CDK19: variants seen among roughly 807,000 people sequenced by gnomAD.
CDK19 encodes cyclin-dependent kinase 19.
A neutral mutation model predicts 68.3 loss-of-function variants in CDK19; 20 were observed. The observed-to-expected ratio is 0.29, with a 90% CI of 0.21 to 0.43. The LOEUF is 0.43. Among genes scored for constraint, CDK19 ranks in the 20% least tolerant of loss-of-function variants. CDK19 has a pLI of 1.00. For synonymous variants in CDK19, 221 were observed against 222.8 expected, an observed-to-expected ratio of 0.99 and a Z score of 0.07; for missense variants, 339 against 623.5, an observed-to-expected ratio of 0.54 and a Z score of 4.86.
At chr6:110,769,823 G>A (rs1311440005) in intron 1 of CDK19, among the ~76,000 whole-genome samples, 1 of 152,054 alleles carries the variant, frequency 6.6e-6, no homozygotes, top group African/African-American at 2.4e-5. Flanking sequence ...TTCTCAACTG[G>A]TAGCAAAATA....
chr6:110,638,440 G>GT (rs1779924601), intron 5 of CDK19, among the ~76,000 whole-genome samples: 1 of 152,152 alleles, frequency 6.6e-6, no homozygotes, highest in Non-Finnish European at 1.5e-5. Context: ...AATTTCCAGT[G>GT]ATGCCTCAAC....
chr6:110,727,710 C>T (rs1053071040), intron 2 of CDK19, among the ~76,000 whole-genome samples: 3 of 151,976 alleles, frequency 2.0e-5, no homozygotes, highest in East Asian at 1.9e-4. Context: ...CAGGAGCTGA[C>T]ACCTGTAATC....
chr6:110,771,535 A>G (rs959246726), intron 1 of CDK19, among the ~76,000 whole-genome samples: 1 of 152,184 alleles, frequency 6.6e-6, no homozygotes, highest in African/African-American at 2.4e-5. Context: ...CTGTGATGGG[A>G]GAGGCTGCCT....
At chr6:110,682,007 A>G (rs991313595) in intron 2 of CDK19, among the ~76,000 whole-genome samples, 3 of 152,236 alleles carry the variant, frequency 2.0e-5, no homozygotes, top group African/African-American at 7.2e-5. Context: ...AGTCTGTACT[A>G]GACTAAAAAT....
chr6:110,634,082 T>C (rs577707028), intron 5 of CDK19, among the ~76,000 whole-genome samples: 10 of 152,322 alleles, frequency 6.6e-5, no homozygotes, highest in Admixed American at 2.6e-4. Context: ...TAAATGCACA[T>C]AAAACTTTCA....
chr6:110,779,272 A>G (rs990705763), intron 1 of CDK19, among the ~76,000 whole-genome samples: 11 of 152,140 alleles, frequency 7.2e-5, no homozygotes, highest in African/African-American at 2.7e-4. Flanking sequence ...TTTGCTGGGA[A>G]TAAATGCCTT....
chr6:110,623,784 A>G, intron 8 of CDK19, among the ~76,000 whole-genome samples: 1 of 147,536 alleles, frequency 6.8e-6, no homozygotes, highest in South Asian at 2.1e-4. Flanking sequence ...ATACATATAT[A>G]CACATATATA....
intron 1 of CDK19, among the ~76,000 whole-genome samples, chr6:110,814,294 C>T (rs3749866): frequency 0.11 from 17,318 of 152,298 alleles, 1,440 homozygotes; most frequent in Admixed American, 0.26. Context: ...GCAGAGAATT[C>T]AGCCAACTCT....
intron 1 of CDK19, among the ~76,000 whole-genome samples, chr6:110,758,556 A>C (rs1778983981): frequency 6.6e-6 from 1 of 152,254 alleles, no homozygotes; most frequent in Non-Finnish European, 1.5e-5. Flanking sequence ...AGTAGGAACT[A>C]AACATGTTAC....
At chr6:110,654,773 T>G (rs1258328449) in intron 4 of CDK19, among the ~76,000 whole-genome samples, 8 of 152,060 alleles carry the variant, frequency 5.3e-5, no homozygotes, top group Non-Finnish European at 7.4e-5. Flanking sequence ...AAAACCCACC[T>G]CTACTAAAAA....
At chr6:110,632,371 TTA>T (rs1197940830) in intron 5 of CDK19, among the ~76,000 whole-genome samples, 1 of 152,204 alleles carries the variant, frequency 6.6e-6, no homozygotes, top group East Asian at 1.9e-4. Context: ...TCATTTACCT[TTA>T]TTATCTACCA....
chr6:110,705,631 G>A (rs932653813), intron 2 of CDK19, among the ~76,000 whole-genome samples: 3 of 152,326 alleles, frequency 2.0e-5, no homozygotes, highest in South Asian at 2.1e-4. Context: ...TCACAGAAGC[G>A]AAGCATCCTT....
intron 1 of CDK19, among the ~76,000 whole-genome samples, chr6:110,775,586 GA>G (rs1458318581): frequency 6.6e-6 from 1 of 152,106 alleles, no homozygotes; most frequent in Non-Finnish European, 1.5e-5. Flanking sequence ...AGGCTTTTCA[GA>G]AAACATTCAT....
intron 2 of CDK19, among the ~76,000 whole-genome samples, chr6:110,701,852 A>C (rs1026813388): frequency 6.6e-6 from 1 of 151,910 alleles, no homozygotes; most frequent in Non-Finnish European, 1.5e-5. Context: ...ATAAGAGGCC[A>C]GGTGGATGGG....
chr6:110,749,816 A>ATGACAGAGG (rs1281814639), intron 1 of CDK19, among the ~76,000 whole-genome samples: 18 of 145,194 alleles, frequency 1.2e-4, no homozygotes, highest in Non-Finnish European at 2.0e-4. Flanking sequence ...TCTGTTGCTC[A>ATGACAGAGG]GGCTGGAGTG....
intron 6 of CDK19, among the ~76,000 whole-genome samples, chr6:110,627,374 T>G (rs909525987): frequency 6.6e-6 from 1 of 152,118 alleles, no homozygotes; most frequent in Non-Finnish European, 1.5e-5. Flanking sequence ...ATACATGACA[T>G]GAAATAGCTA....
intron 12 of CDK19, among the ~76,000 whole-genome samples, chr6:110,618,628 G>A (rs1348396606): frequency 6.6e-6 from 1 of 152,232 alleles, no homozygotes; most frequent in Non-Finnish European, 1.5e-5. Flanking sequence ...TGGTATCAAA[G>A]TTGTATGCCT....
At chr6:110,706,559 C>G in intron 2 of CDK19, among the ~76,000 whole-genome samples, 1 of 151,676 alleles carries the variant, frequency 6.6e-6, no homozygotes, top group South Asian at 2.1e-4. Flanking sequence ...GGATTACAGG[C>G]GCCTGCCACC....
Position 110,621,291 on chromosome 6 carries a change from G to T in CDK19, c.1190C>A (p.Pro397Gln), listed in dbSNP as rs546919397. ...GGTCTGGGTGCTGTTCTGCTGTGGT[G>T]GGGGCGCCTGTGGAGGGGCTGCTGC... ...QQAAAPPQAP[P>Q]PQQNSTQTNG... is the part of the protein sequence containing the mutation. The change falls in exon 12 of 13, where the codon CCA becomes CAA. Residue 397 changes from proline (P) to glutamine (Q), a missense_variant. This residue lies in a region of CDK19 where 155 missense variants were observed against 222.7 expected (regional missense o/e 0.70). Coordinates refer to ENST00000368911, the MANE Select transcript of CDK19 (RefSeq NM_015076.5). The surrounding 1 kb of genome is among the most constrained non-coding windows in gnomAD (Gnocchi z 5.4). 5 of 1,610,482 alleles carry T rather than the reference G, an allele frequency of 3.1e-6. No individual in the cohort carries two copies. In the East Asian group the frequency reaches 1.1e-4, roughly 36 times the overall value.
Sources: allele counts gnomAD v4.1 joint callset (sites outside exome capture counted in the v4.1 genomes callset), GRCh38; gene constraint gnomAD v4.1.1; regional missense constraint gnomAD v4.1.1; non-coding constraint Gnocchi (gnomAD v3.1); transcripts MANE v1.5; gene names NCBI Gene and HGNC (gene_info 2026-07-23, HGNC 2026-07-21).